PTPRT: variants seen among roughly 807,000 people sequenced by gnomAD.
The protein encoded by PTPRT is receptor-type tyrosine-protein phosphatase T.
Under a neutral mutation model 176.8 loss-of-function variants are expected in PTPRT, and 56 were observed. The ratio of observed to expected loss-of-function variants is 0.32; its 90% CI spans 0.26 to 0.40. The LOEUF (loss-of-function observed/expected upper bound fraction) is 0.40. Among genes scored for constraint, PTPRT ranks in the 10% least tolerant of loss-of-function variants. The pLI is 1.00. For synonymous variants in PTPRT, 783 were observed against 739.0 expected (o/e 1.06, Z -0.96); for missense variants, 1,540 against 1,908.2 (o/e 0.81, Z 3.60).
rs116115403 is a variant in PTPRT, at chr20:42,551,963, T to C, written c.1154-79401A>G. Among the ~76,000 whole-genome samples, 513 of 152,274 alleles carry C rather than the reference T, an allele frequency of 3.4e-3. 6 individuals are homozygous for C. The highest frequency in any genetic ancestry group is 0.012 in the African/African-American group (494 of 41,564). On this transcript the variant is annotated intron_variant, in intron 7 of 30. Transcript: ENST00000373187. ...TCAAACTTTCATTACCACCTATACA[T>C]GAAGGGGATGCTTCTCTTATGTTAC...
intron 2 of PTPRT, among the ~76,000 whole-genome samples, chr20:42,791,868 C>A (rs2077381250): frequency 6.6e-6 from 1 of 152,206 alleles, no homozygotes; most frequent in Admixed American, 6.5e-5. Flanking sequence ...GTTTCCAATT[C>A]TTTATCCCTC....
At chr20:42,954,387 T>C (rs78467676) in intron 1 of PTPRT, among the ~76,000 whole-genome samples, 11,059 of 152,098 alleles carry the variant, frequency 0.073, 1,146 homozygotes, top group African/African-American at 0.23. Context: ...GTGAGTGCTC[T>C]GGGGCCAAAT....
intron 7 of PTPRT, among the ~76,000 whole-genome samples, chr20:42,519,932 T>A (rs139788165): frequency 0.012 from 1,752 of 152,252 alleles, 12 homozygotes; most frequent in Non-Finnish European, 0.018. Flanking sequence ...ACCTGCTTTA[T>A]TTGGTACATA....
rs1366463435 is a variant in PTPRT at position 43,189,697 on chromosome 20, G to T, written c.37C>A (p.Leu13Met). Residue 13 changes from leucine to methionine, a missense_variant, in exon 1 of 31, where the codon CTG becomes ATG. Transcript: ENST00000373187. This position sits in a 1 kb window ranked among gnomAD's most constrained non-coding sequence, Gnocchi z 5.0. ...SLAALALSLL[L>M]RLQLPPLPGA... The stretch of plus-strand genomic sequence containing the variant: ...GGCAGTGGCGGCAGCTGCAGCCTCA[G>T]GAGCAGGCTGAGGGCGAGCGCGGCG... 2 of 1,317,420 alleles carry T rather than the reference G, an allele frequency of 1.5e-6. No homozygotes were observed. The highest frequency in any genetic ancestry group is 1.9e-6 in the Non-Finnish European group (2 of 1,033,528). The allele number at this position is 1,317,420 out of a possible 1,614,324, so 81.6% of individuals were successfully genotyped here. A position where few individuals can be genotyped will look rare whatever the true frequency, so the allele number is the denominator to read the frequency against.
At chr20:42,537,705 C>T (rs1335198421) in intron 7 of PTPRT, among the ~76,000 whole-genome samples, 1 of 152,166 alleles carries the variant, frequency 6.6e-6, no homozygotes, top group Non-Finnish European at 1.5e-5. Flanking sequence ...GGGGATGCAA[C>T]AGGAGACAGG....
chr20:42,957,800 C>A (rs1981729600), intron 1 of PTPRT, among the ~76,000 whole-genome samples: 1 of 152,068 alleles, frequency 6.6e-6, no homozygotes, highest in South Asian at 2.1e-4. Flanking sequence ...TCATCTCTTC[C>A]ATTAGAGCCT....
At chr20:42,998,960 T>G (rs1017067459) in intron 1 of PTPRT, among the ~76,000 whole-genome samples, 7 of 152,228 alleles carry the variant, frequency 4.6e-5, no homozygotes, top group African/African-American at 1.7e-4. Flanking sequence ...AGCCACCCAC[T>G]ACTTCTCCAA....
chr20:42,759,112 G>C (rs944639577), intron 5 of PTPRT, among the ~76,000 whole-genome samples: 2 of 152,156 alleles, frequency 1.3e-5, no homozygotes, highest in African/African-American at 4.8e-5. Flanking sequence ...TGGAAGCAGG[G>C]GGTCATCAAA....
intron 1 of PTPRT, among the ~76,000 whole-genome samples, chr20:43,153,477 G>A (rs1219151006): frequency 6.6e-6 from 1 of 152,046 alleles, no homozygotes; most frequent in Non-Finnish European, 1.5e-5. Flanking sequence ...TACTAAAATG[G>A]TATGTAAGTG....
chr20:42,325,178 C>T (rs887664625), intron 11 of PTPRT, among the ~76,000 whole-genome samples: 1 of 151,998 alleles, frequency 6.6e-6, no homozygotes, highest in Non-Finnish European at 1.5e-5. Flanking sequence ...AAGGAAGGAA[C>T]CTACAGGGCA....
At chr20:43,176,349 G>A (rs528792791) in intron 1 of PTPRT, among the ~76,000 whole-genome samples, 2 of 152,270 alleles carry the variant, frequency 1.3e-5, no homozygotes, top group African/African-American at 4.8e-5. Context: ...CCTGAGATAT[G>A]ATTGCACAGC....
In PTPRT at chr20:42,270,776, C is replaced by T. The variant is rs527378014; in HGVS notation, c.2176+11713G>A. Among the ~76,000 whole-genome samples, 4 of 152,210 alleles carry T rather than the reference C, an allele frequency of 2.6e-5. No homozygotes were observed. In the South Asian group the frequency reaches 8.3e-4, roughly 32 times the overall value. ...ACTATAAATAAATCTGTCATTTTTC[C>T]ACCGAAACTACTTCTCTGTTAGACT... On this transcript the variant is annotated intron_variant, in intron 13 of 30. Coordinates refer to ENST00000373187, the MANE Select transcript of PTPRT (RefSeq NM_007050.6).
rs369003695 is a variant in PTPRT, at chr20:42,677,930, T to A, written c.1089A>T (p.Thr363=). 6.2e-7 allele frequency: 1 copy of A among 1,614,026 alleles called. No homozygotes were observed. Among genetic ancestry groups the A allele is most frequent in the Non-Finnish European group, 8.5e-7 (1 of 1,180,000 alleles). Residue 363 remains threonine (T), a synonymous_variant, in exon 7 of 31, where the codon ACA becomes ACT. Transcript: ENST00000373187. ...DVEYEIRVLL[T]RPGEGGTGPP... is the part of the protein sequence containing the mutation. ...GTCCCGTACCCCCCTCACCTGGTCG[T>A]GTGAGGAGCACTCGGATCTCATACT...
At chr20:42,241,037 G>A (rs915108986) in intron 14 of PTPRT, among the ~76,000 whole-genome samples, 2 of 152,212 alleles carry the variant, frequency 1.3e-5, no homozygotes, top group African/African-American at 4.8e-5. Flanking sequence ...GATGAGTAAA[G>A]TGAGGCTCAG....
chr20:42,595,059 G>A (rs369980137), intron 7 of PTPRT, among the ~76,000 whole-genome samples: 13 of 152,132 alleles, frequency 8.5e-5, no homozygotes, highest in African/African-American at 3.1e-4. Flanking sequence ...GAACCTAGGG[G>A]CTCGTACCAC....
chr20:42,171,111 A>C (rs956332020), intron 16 of PTPRT, among the ~76,000 whole-genome samples: 5 of 152,188 alleles, frequency 3.3e-5, no homozygotes, highest in African/African-American at 1.2e-4. Flanking sequence ...ATAGTTTTTC[A>C]TTTGCGAAGC....
At chr20:43,058,499 A>G (rs1987329425) in intron 1 of PTPRT, among the ~76,000 whole-genome samples, 1 of 152,224 alleles carries the variant, frequency 6.6e-6, no homozygotes, top group African/African-American at 2.4e-5. Flanking sequence ...GGAAAATGAC[A>G]TTGAACAAAT....
At chr20:42,323,647 A>T (rs543241303) in intron 11 of PTPRT, among the ~76,000 whole-genome samples, 3 of 152,110 alleles carry the variant, frequency 2.0e-5, no homozygotes, top group Non-Finnish European at 4.4e-5. Context: ...GCATTAGGAG[A>T]TACACCTAAT....
chr20:42,489,008 TTGTG>T (rs56267962), intron 7 of PTPRT, among the ~76,000 whole-genome samples: 24,646 of 130,660 alleles, frequency 0.19, 2,651 homozygotes, highest in Admixed American at 0.29. Context: ...TCAACCAAGT[TTGTG>T]TGTGTGTGTG....
Sources: allele counts gnomAD v4.1 joint callset (sites outside exome capture counted in the v4.1 genomes callset), GRCh38; gene constraint gnomAD v4.1.1; non-coding constraint Gnocchi (gnomAD v3.1); transcripts MANE v1.5; gene names NCBI Gene and HGNC (gene_info 2026-07-23, HGNC 2026-07-21).